Variants in FAM174A observed in about 807,000 individuals in gnomAD.
The protein encoded by FAM174A is family with sequence similarity 174 member A.
A neutral mutation model predicts 14.3 loss-of-function variants in FAM174A; 14 were observed. The ratio of observed to expected loss-of-function variants is 0.98; its 90% CI spans 0.65 to 1.53. FAM174A has a LOEUF of 1.53. FAM174A is among the 40% of genes most tolerant of loss of function. The pLI is 0.00. For missense variants in FAM174A, 241 were observed against 249.6 expected (o/e 0.97, Z 0.23); for synonymous variants, 108 against 111.4 (o/e 0.97, Z 0.19).
At chr5:100,541,501 G>A (rs1206250972) in intron 1 of FAM174A, among the ~76,000 whole-genome samples, 1 of 151,922 alleles carries the variant, frequency 6.6e-6, no homozygotes, top group Non-Finnish European at 1.5e-5. Flanking sequence ...TAACTGTGCA[G>A]GCAGGGAGAA....
At chr5:100,576,038 T>C (rs1746897693) in intron 2 of FAM174A, among the ~76,000 whole-genome samples, 1 of 152,192 alleles carries the variant, frequency 6.6e-6, no homozygotes, top group South Asian at 2.1e-4. Context: ...GCAAATGAAT[T>C]TCCTTGCTTA....
At chr5:100,582,992 A>G (rs1389241367) in intron 2 of FAM174A, among the ~76,000 whole-genome samples, 1 of 152,220 alleles carries the variant, frequency 6.6e-6, no homozygotes, top group Non-Finnish European at 1.5e-5. Flanking sequence ...TGGAAGACTT[A>G]CTAATATCAT....
At chr5:100,557,588 G>T (rs138593102) in intron 1 of FAM174A, among the ~76,000 whole-genome samples, 2,864 of 152,144 alleles carry the variant, frequency 0.019, 76 homozygotes, top group African/African-American at 0.063. Flanking sequence ...TGGTTGATAG[G>T]CTATTAATTA....
intron 2 of FAM174A, among the ~76,000 whole-genome samples, chr5:100,582,033 A>C (rs1285349492): frequency 6.6e-6 from 1 of 152,198 alleles, no homozygotes; most frequent in African/African-American, 2.4e-5. Context: ...TCTCATATAT[A>C]GTCAAGTTCA....
intron 2 of FAM174A, 94 bp downstream of exon 2, chr5:100,562,282 T>C (rs1441624357): frequency 8.6e-7 from 1 of 1,156,092 alleles, no homozygotes; most frequent in African/African-American, 1.6e-5. Context: ...TAACAGCTTA[T>C]ATTCCAACAC....
At chr5:100,566,867 T>C (rs1333560725) in intron 2 of FAM174A, among the ~76,000 whole-genome samples, 2 of 151,850 alleles carry the variant, frequency 1.3e-5, no homozygotes, top group Admixed American at 6.6e-5. Context: ...AGGGAAACTT[T>C]GATTACAAAG....
At chr5:100,564,051 C>T (rs1746585869) in intron 2 of FAM174A, among the ~76,000 whole-genome samples, 1 of 151,684 alleles carries the variant, frequency 6.6e-6, no homozygotes, top group African/African-American at 2.4e-5. Context: ...GCACCTGCTC[C>T]TCCTTGCTCC....
At chr5:100,570,719 C>A (rs1746760861) in intron 2 of FAM174A, among the ~76,000 whole-genome samples, 1 of 151,842 alleles carries the variant, frequency 6.6e-6, no homozygotes, top group Non-Finnish European at 1.5e-5. Flanking sequence ...AGTTGGATAT[C>A]CCGGATTATA....
intron 1 of FAM174A, among the ~76,000 whole-genome samples, chr5:100,553,903 G>A (rs1197987177): frequency 6.6e-6 from 1 of 152,170 alleles, no homozygotes; most frequent in Non-Finnish European, 1.5e-5. Context: ...CATCAGATGA[G>A]CTGAATGTTA....
chr5:100,554,926 GCTT>G (rs772922872), intron 1 of FAM174A, among the ~76,000 whole-genome samples: 14 of 151,682 alleles, frequency 9.2e-5, no homozygotes, highest in Non-Finnish European at 1.5e-4. Flanking sequence ...GGGTTGCGTA[GCTT>G]CTTTTTTTTT....
chr5:100,579,473 G>A (rs561608498), intron 2 of FAM174A, among the ~76,000 whole-genome samples: 1 of 152,098 alleles, frequency 6.6e-6, no homozygotes, highest in East Asian at 1.9e-4. Flanking sequence ...CACCCAGGCT[G>A]GAGTGCGATG....
At chr5:100,569,907 T>C (rs930307076) in intron 2 of FAM174A, among the ~76,000 whole-genome samples, 2 of 151,868 alleles carry the variant, frequency 1.3e-5, no homozygotes, top group African/African-American at 4.8e-5. Flanking sequence ...TTCACAATTT[T>C]TGGGTTTTGA....
At chr5:100,566,994 G>A (rs2112390838) in intron 2 of FAM174A, among the ~76,000 whole-genome samples, 1 of 151,954 alleles carries the variant, frequency 6.6e-6, no homozygotes, top group South Asian at 2.1e-4. Context: ...TTGCATTACA[G>A]TTACAGCAGG....
At chr5:100,563,870 A>G (rs933847541) in intron 2 of FAM174A, among the ~76,000 whole-genome samples, 2 of 151,874 alleles carry the variant, frequency 1.3e-5, no homozygotes, top group African/African-American at 4.8e-5. Flanking sequence ...TGGAAACTAA[A>G]CGATATAGTT....
At position 100,535,519 on chromosome 5, in the gene FAM174A, G is replaced by C. The variant is rs1370047092; in HGVS notation, c.-12G>C. 1 of 1,611,202 alleles carries C rather than the reference G, an allele frequency of 6.2e-7. No homozygotes were observed. On this transcript the variant is annotated 5_prime_UTR_variant, in exon 1 of 3. Transcript: ENST00000312637. Reference sequence around the variant, plus strand: ...GGCGGCTCCCGGGTGGTGAGAGAGCGGTCCGGGAACGATGAAGGCCTCGCA... The same window carrying C: ...GGCGGCTCCCGGGTGGTGAGAGAGCCGTCCGGGAACGATGAAGGCCTCGCA...
At chr5:100,563,817 A>C (rs1746581794) in intron 2 of FAM174A, among the ~76,000 whole-genome samples, 1 of 151,954 alleles carries the variant, frequency 6.6e-6, no homozygotes. Context: ...GAATAGAAAT[A>C]GAAATCAATA....
chr5:100,565,217 A>T (rs569216985), intron 2 of FAM174A, among the ~76,000 whole-genome samples: 49 of 152,008 alleles, frequency 3.2e-4, no homozygotes, highest in African/African-American at 1.2e-3. Context: ...CATGCAAATC[A>T]ATGCAATAGA....
intron 2 of FAM174A, among the ~76,000 whole-genome samples, chr5:100,572,898 T>C (rs1297940042): frequency 2.0e-5 from 3 of 152,130 alleles, no homozygotes; most frequent in Admixed American, 1.3e-4. Context: ...TTTCTCCACA[T>C]CCTCTCCAGC....
At chr5:100,580,738 T>C (rs1746995038) in intron 2 of FAM174A, among the ~76,000 whole-genome samples, 1 of 152,210 alleles carries the variant, frequency 6.6e-6, no homozygotes, top group African/African-American at 2.4e-5. Flanking sequence ...ACACTCAGTA[T>C]TAACCATCAC....
Sources: allele counts gnomAD v4.1 joint callset (sites outside exome capture counted in the v4.1 genomes callset), GRCh38; gene constraint gnomAD v4.1.1; transcripts MANE v1.5; gene names NCBI Gene and HGNC (gene_info 2026-07-23, HGNC 2026-07-21).